Variants in MS4A4A observed in about 807,000 individuals in gnomAD.
MS4A4A encodes membrane-spanning 4-domains subfamily A member 4A.
A neutral mutation model predicts 28.0 loss-of-function variants in MS4A4A; 26 were observed. The ratio of observed to expected loss-of-function variants is 0.93; its 90% CI spans 0.68 to 1.29. The LOEUF (loss-of-function observed/expected upper bound fraction) is 1.29. Ranked by LOEUF, MS4A4A falls within the 50% of genes most tolerant of loss-of-function variation. MS4A4A has a pLI of 0.00. For synonymous variants in MS4A4A, 86 were observed against 100.8 expected, an observed-to-expected ratio of 0.85 and a Z score of 0.88; for missense variants, 290 against 293.1, an observed-to-expected ratio of 0.99 and a Z score of 0.08.
Position 60,301,109 on chromosome 11 carries a change from A to G in MS4A4A, c.387+52A>G, listed in dbSNP as rs369641774. ...TCAAAAAAAGGAAGGATTAATAAAA[A>G]ATGTATTCTGCCAGGGTGTAAAACA... is the stretch of plus-strand genomic sequence containing the variant. On this transcript the variant is annotated intron_variant, in intron 4 of 6. Coordinates refer to ENST00000337908, the MANE Select transcript of MS4A4A (RefSeq NM_148975.3). The G allele has an allele frequency of 5.1e-5, 71 of 1,381,636 alleles. No homozygotes were observed. In the African/African-American group the frequency reaches 9.7e-4, roughly 19 times the overall value. The allele number at this position is 1,381,636 out of a possible 1,614,324, so 85.6% of individuals were successfully genotyped here.
At position 60,297,653 on chromosome 11, in the gene MS4A4A, T is replaced by C. The variant is rs1026565279; in HGVS notation, c.330+328T>C. 9.2e-5 allele frequency among the ~76,000 whole-genome samples: 14 copies of C among 152,226 alleles called. No homozygotes were observed. The East Asian group carries it at 2.5e-3, about 27-fold the overall frequency. On this transcript the variant is annotated intron_variant, in intron 3 of 6. Transcript: ENST00000337908. ...GCTTATCATTTCTAGGATGGCTTCA[T>C]TCAGTGGTGCAAGGATTTCATCAAG...
At chr11:60,292,827 G>A (rs376713507) in intron 2 of MS4A4A, among the ~76,000 whole-genome samples, 2 of 152,082 alleles carry the variant, frequency 1.3e-5, no homozygotes, top group Admixed American at 6.5e-5. Flanking sequence ...AGTCTCAGAT[G>A]AGCATGCCCA....
intron 1 of MS4A4A, among the ~76,000 whole-genome samples, chr11:60,291,796 C>CAAAAAAAA (rs60913455): frequency 8.2e-5 from 11 of 133,848 alleles, no homozygotes; most frequent in East Asian, 2.2e-4. Context: ...GACTCCATCT[C>CAAAAAAAA]AAAAAAAAAA....
intron 1 of MS4A4A, among the ~76,000 whole-genome samples, chr11:60,291,615 T>C (rs1224237373): frequency 2.6e-5 from 4 of 151,782 alleles, no homozygotes; most frequent in Non-Finnish European, 5.9e-5. Context: ...CTGGCCAACA[T>C]GGTGAAACTC....
At chr11:60,302,361 A>G (rs2084959338) in intron 4 of MS4A4A, among the ~76,000 whole-genome samples, 198 bp from the exon 5 acceptor site, 1 of 152,216 alleles carries the variant, frequency 6.6e-6, no homozygotes, top group Non-Finnish European at 1.5e-5. Flanking sequence ...TGAAGAATTG[A>G]AGCTGCGGAA....
intron 1 of MS4A4A, among the ~76,000 whole-genome samples, chr11:60,287,476 G>T (rs1404080391): frequency 6.6e-6 from 1 of 152,198 alleles, no homozygotes; most frequent in Non-Finnish European, 1.5e-5. Flanking sequence ...CCTCTTGAAG[G>T]TCCCACCTCT....
intron 3 of MS4A4A, among the ~76,000 whole-genome samples, chr11:60,299,794 G>A (rs935911560): frequency 1.3e-5 from 2 of 152,154 alleles, no homozygotes; most frequent in African/African-American, 4.8e-5. Context: ...TAATGTTGCA[G>A]TTACTAATAA....
chr11:60,308,169 T>C lies in MS4A4A; in HGVS notation c.711T>C (p.Asn237=). Residue 237 remains asparagine (N), a synonymous_variant, in exon 7 of 7, where the codon AAT becomes AAC. Coordinates refer to ENST00000337908, the MANE Select transcript of MS4A4A (RefSeq NM_148975.3). ...AAACAGCATCTCCCACACCACTTAA[T>C]GAGGTTTGAGGCCACCAAAAGATCA... The part of the protein sequence containing the change: ...MAETASPTPL[N]EV 20 of 1,613,862 alleles carry C rather than the reference T, an allele frequency of 1.2e-5. No individual in the cohort carries two copies. Among genetic ancestry groups the C allele is most frequent in the Non-Finnish European group, 1.7e-5 (20 of 1,179,772 alleles).
chr11:60,297,173 T>C (rs2135024315), intron 2 of MS4A4A, 24 bp from the exon 3 acceptor site: 1 of 1,611,458 alleles, frequency 6.2e-7, no homozygotes, highest in Non-Finnish European at 8.5e-7. Context: ...GACAATCAGT[T>C]TTTGCTTTCT....
At position 60,301,073 on chromosome 11, in the gene MS4A4A, T is replaced by C. The variant is rs1172678530; in HGVS notation, c.387+16T>C. ...AAAAGGCCTGGTGAGTAATATTTTC[T>C]TTTTTTGGTATCAAAAAAAGGAAGG... On this transcript the variant is annotated intron_variant, in intron 4 of 6. Coordinates refer to ENST00000337908, the MANE Select transcript of MS4A4A (RefSeq NM_148975.3). The C allele has an allele frequency of 2.6e-6, 4 of 1,557,096 alleles. No homozygotes were observed. Among genetic ancestry groups the C allele is most frequent in the Non-Finnish European group, 3.5e-6 (4 of 1,148,318 alleles).
chr11:60,284,189 T>C (rs17611079), intron 1 of MS4A4A, among the ~76,000 whole-genome samples: 46,018 of 152,182 alleles, frequency 0.3, 7,261 homozygotes, highest in South Asian at 0.48. Flanking sequence ...TGTGTTTCTA[T>C]AATTCTGTCC....
intron 5 of MS4A4A, among the ~76,000 whole-genome samples, chr11:60,303,669 T>C (rs924393479): frequency 2.6e-5 from 4 of 152,040 alleles, no homozygotes; most frequent in African/African-American, 9.7e-5. Flanking sequence ...GATGGACACA[T>C]TGCACTCCAG....
At chr11:60,297,699 A>G (rs2084918420) in intron 3 of MS4A4A, among the ~76,000 whole-genome samples, 1 of 152,204 alleles carries the variant, frequency 6.6e-6, no homozygotes, top group Non-Finnish European at 1.5e-5. Flanking sequence ...AGACCACATC[A>G]GAGGGGAGAT....
At chr11:60,301,123 G>C in intron 4 of MS4A4A, 66 bp downstream of exon 4, 2 of 1,280,180 alleles carry the variant, frequency 1.6e-6, no homozygotes, top group Non-Finnish European at 2.2e-6. Context: ...TATTCTGCCA[G>C]GGTGTAAAAC....
intron 2 of MS4A4A, among the ~76,000 whole-genome samples, chr11:60,294,892 A>ACTACTACTACTACTTCTTCTT: frequency 7.6e-6 from 1 of 130,846 alleles, no homozygotes; most frequent in Non-Finnish European, 1.7e-5. Context: ...TACAACTACT[A>ACTACTACTACTACTTCTTCTT]CTTCTTCTTC....
chr11:60,294,403 G>T (rs534589570), intron 2 of MS4A4A, among the ~76,000 whole-genome samples: 30 of 152,172 alleles, frequency 2.0e-4, no homozygotes, highest in African/African-American at 6.3e-4. Context: ...CCAGTCTGTT[G>T]TTTGTCTTTT....
At chr11:60,290,634 T>C (rs1002998108) in intron 1 of MS4A4A, among the ~76,000 whole-genome samples, 1 of 151,938 alleles carries the variant, frequency 6.6e-6, no homozygotes, top group Non-Finnish European at 1.5e-5. Flanking sequence ...TTTTATAATT[T>C]GTAATTTTGT....
intron 3 of MS4A4A, among the ~76,000 whole-genome samples, chr11:60,298,782 G>T (rs188289539): frequency 1.4e-3 from 212 of 152,302 alleles, no homozygotes; most frequent in African/African-American, 5.0e-3. Flanking sequence ...CCATTTGTCC[G>T]CTGAGACATC....
chr11:60,283,760 C>G (rs1590748869), intron 1 of MS4A4A, among the ~76,000 whole-genome samples: 1 of 151,970 alleles, frequency 6.6e-6, no homozygotes, highest in Admixed American at 6.5e-5. Flanking sequence ...AATGTAAGAC[C>G]AAAAATAAGA....
Sources: allele counts gnomAD v4.1 joint callset (sites outside exome capture counted in the v4.1 genomes callset), GRCh38; gene constraint gnomAD v4.1.1; transcripts MANE v1.5; gene names NCBI Gene and HGNC (gene_info 2026-07-23, HGNC 2026-07-21).